The following ZNF280C variants were observed in gnomAD, a reference collection of about 807,000 sequenced individuals.
The protein encoded by ZNF280C is suppressor of hairy wing homolog 3.
A neutral mutation model predicts 53.6 loss-of-function variants in ZNF280C; 14 were observed. The observed-to-expected ratio is 0.26, with a 90% CI of 0.17 to 0.41. ZNF280C has a LOEUF of 0.41. Ranked by LOEUF, ZNF280C falls within the 10% of genes least tolerant of loss-of-function variation. ZNF280C has a pLI of 1.00. For synonymous variants in ZNF280C, 203 were observed against 181.1 expected, an observed-to-expected ratio of 1.12 and a Z score of -0.97; for missense variants, 416 against 547.1, an observed-to-expected ratio of 0.76 and a Z score of 2.39.
intron 1 of ZNF280C, among the ~76,000 whole-genome samples, chrX:130,263,799 G>A (rs1465315811): frequency 9.1e-6 from 1 of 110,244 alleles, no homozygotes; most frequent in East Asian, 2.8e-4. Flanking sequence ...GGCAGAGGCA[G>A]GTGCATTGCA....
chrX:130,246,618 C>T (rs569906014), intron 3 of ZNF280C, among the ~76,000 whole-genome samples: 1 of 111,931 alleles, frequency 8.9e-6, no homozygotes, highest in Non-Finnish European at 1.9e-5. Flanking sequence ...GTCATCTTAA[C>T]CCTCAATTAA....
rs189619274 is a variant in ZNF280C at position 130,213,404 on chromosome X, G to A, written c.1979+1789C>T. Among the ~76,000 whole-genome samples the A allele has an allele frequency of 9.9e-5, 11 of 110,716 alleles. No homozygotes were observed. In the East Asian group the frequency reaches 1.1e-3, roughly 11 times the overall value. On this transcript the variant is annotated intron_variant, in intron 15 of 18. Coordinates refer to ENST00000370978, the MANE Select transcript of ZNF280C (RefSeq NM_017666.5). ...AAACAAAACGAAACAAAAACAAAGC[G>A]GTATTTTTAAAAGGGCAGGACCAAA...
rs1024882053 is a variant in ZNF280C at position 130,203,631 on chromosome X, C to A, written c.*1346G>T. 6.3e-5 allele frequency: 7 copies of A among 111,350 alleles called. No individual in the cohort carries two copies. The highest frequency in any genetic ancestry group is 4.8e-4 in the Admixed American group (5 of 10,486). The allele number at this position is 111,350 out of a possible 1,213,427, so 9.2% of individuals were successfully genotyped here. A position where few individuals can be genotyped will look rare whatever the true frequency, so the allele number is the denominator to read the frequency against. On this transcript the variant is annotated 3_prime_UTR_variant, in exon 19 of 19. Coordinates refer to ENST00000370978, the MANE Select transcript of ZNF280C (RefSeq NM_017666.5). The stretch of plus-strand genomic sequence containing the variant: ...TGAGCCAAGATCGCGCCACTGCACT[C>A]CAGCCTGGGTGACAGAGCAAGACTC...
At chrX:130,252,418 G>A (rs759896476) in intron 2 of ZNF280C, among the ~76,000 whole-genome samples, 46 of 111,311 alleles carry the variant, frequency 4.1e-4, no homozygotes, top group Admixed American at 2.5e-3. Context: ...ACACCCCTTC[G>A]TGTTAAAAAT....
chrX:130,243,146 CTA>C (rs772603132), intron 5 of ZNF280C, among the ~76,000 whole-genome samples: 4 of 111,786 alleles, frequency 3.6e-5, no homozygotes, highest in African/African-American at 9.7e-5. Context: ...TGGTAACTAG[CTA>C]TGACAGTTCA....
chrX:130,238,677 T>C (rs1192659463), intron 6 of ZNF280C, among the ~76,000 whole-genome samples: 1 of 111,495 alleles, frequency 9.0e-6, no homozygotes, highest in Non-Finnish European at 1.9e-5. Flanking sequence ...TATCTCCCTG[T>C]TTGTTTCGGT....
At chrX:130,248,531 C>T (rs2032472970) in intron 2 of ZNF280C, among the ~76,000 whole-genome samples, 1 of 111,411 alleles carries the variant, frequency 9.0e-6, no homozygotes, top group African/African-American at 3.3e-5. Context: ...GATGCCCATC[C>T]CCCTAGGCTC....
At chrX:130,238,512 T>C (rs1448557344) in intron 6 of ZNF280C, among the ~76,000 whole-genome samples, 1 of 111,563 alleles carries the variant, frequency 9.0e-6, no homozygotes, top group Non-Finnish European at 1.9e-5. Context: ...TATAATCCTA[T>C]TTACTATTCA....
intron 12 of ZNF280C, among the ~76,000 whole-genome samples, chrX:130,225,161 A>G (rs2032207497): frequency 9.0e-6 from 1 of 111,453 alleles, no homozygotes; most frequent in Non-Finnish European, 1.9e-5. Flanking sequence ...TACCTTTCTA[A>G]GCATGTTATC....
chrX:130,220,106 T>C (rs1335223692), intron 13 of ZNF280C, among the ~76,000 whole-genome samples: 9 of 111,070 alleles, frequency 8.1e-5, no homozygotes, highest in Non-Finnish European at 1.1e-4. Flanking sequence ...ATACAATACA[T>C]AATGATCAAA....
At chrX:130,246,311 T>G (rs2032450184) in intron 3 of ZNF280C, among the ~76,000 whole-genome samples, 2 of 112,164 alleles carry the variant, frequency 1.8e-5, no homozygotes, top group Admixed American at 1.9e-4. Flanking sequence ...AGCCAAAGGC[T>G]ATAGCACATG....
chrX:130,221,559 A>G (rs1026666487), intron 12 of ZNF280C, among the ~76,000 whole-genome samples: 4 of 111,379 alleles, frequency 3.6e-5, no homozygotes, highest in Non-Finnish European at 7.5e-5. Context: ...ACTCTTCCCA[A>G]TATCTCAGTA....
chrX:130,210,648 T>G (rs958521076), intron 15 of ZNF280C, among the ~76,000 whole-genome samples: 2 of 112,341 alleles, frequency 1.8e-5, no homozygotes, highest in Non-Finnish European at 1.9e-5. Context: ...AGGAGAACTT[T>G]CAAAGAGAGC....
chrX:130,261,724 C>G (rs1217172074), intron 1 of ZNF280C, among the ~76,000 whole-genome samples: 1 of 112,065 alleles, frequency 8.9e-6, no homozygotes, highest in African/African-American at 3.2e-5. Context: ...CATTCTTGCT[C>G]AACATTAAGG....
At chrX:130,243,018 C>G (rs773908501) in intron 5 of ZNF280C, among the ~76,000 whole-genome samples, 5 of 111,624 alleles carry the variant, frequency 4.5e-5, no homozygotes, top group African/African-American at 1.6e-4. Context: ...GTATAGTTTT[C>G]AATACTGTAT....
intron 3 of ZNF280C, among the ~76,000 whole-genome samples, chrX:130,244,313 T>C (rs1477055056): frequency 8.9e-6 from 1 of 112,032 alleles, no homozygotes; most frequent in African/African-American, 3.2e-5. Context: ...GGTTTAAGAC[T>C]GCACACCCTT....
At chrX:130,255,059 T>C (rs1414038803) in intron 2 of ZNF280C, among the ~76,000 whole-genome samples, 1 of 103,119 alleles carries the variant, frequency 9.7e-6, no homozygotes, top group Non-Finnish European at 2.0e-5. Context: ...CAAAGTTGAG[T>C]AAATGTGAAA....
rs1251299850 is a variant in ZNF280C, at chrX:130,204,474, T to C, written c.*503A>G. ...CTTGGAAAGAAAGAACAGGTATCAG[T>C]TGTGTCCATCAAAAGGGGACACTGT... On this transcript the variant is annotated 3_prime_UTR_variant, in exon 19 of 19. Transcript: ENST00000370978. The C allele has an allele frequency of 8.8e-6, 1 of 114,214 alleles. No homozygotes were observed. The highest frequency in any genetic ancestry group is 3.2e-5 in the African/African-American group (1 of 30,979). 9.4% of individuals were successfully genotyped at this position (114,214 alleles called of 1,213,427 possible). A position where few individuals can be genotyped will look rare whatever the true frequency, so the allele number is the denominator to read the frequency against.
At chrX:130,206,361 G>GTTTTTTTT (rs1048503644) in intron 16 of ZNF280C, among the ~76,000 whole-genome samples, 2 of 73,482 alleles carry the variant, frequency 2.7e-5, no homozygotes, top group Non-Finnish European at 2.5e-5. Flanking sequence ...GACTTCTTTA[G>GTTTTTTTT]TTTTTTTTTT....
Sources: gnomAD v4.1 joint callset for allele counts (sites outside exome capture counted in the v4.1 genomes callset) on GRCh38, gnomAD v4.1.1 for gene constraint, MANE v1.5 for transcripts, NCBI Gene and HGNC (gene_info 2026-07-23, HGNC 2026-07-21) for gene names.